Variants in SERINC2 observed in about 807,000 individuals in gnomAD.
SERINC2 encodes the protein tumor differentially expressed protein 2.
In SERINC2, 56 loss-of-function variants were observed where a neutral mutation model predicts 54.2. The ratio of observed to expected loss-of-function variants is 1.03; its 90% CI spans 0.83 to 1.29. SERINC2 has a LOEUF of 1.29. SERINC2 is among the 50% of genes most tolerant of loss of function. The pLI is 0.00. For missense variants in SERINC2, 614 were observed against 607.4 expected (o/e 1.01, Z -0.12); for synonymous variants, 272 against 253.1 (o/e 1.07, Z -0.71).
chr1:31,411,025 G>A (rs1157960407), upstream of SERINC2, among the ~76,000 whole-genome samples: 1 of 152,164 alleles, frequency 6.6e-6, no homozygotes, highest in Non-Finnish European at 1.5e-5. Flanking sequence ...GAAGAAGGAG[G>A]AAAGTGGACT....
At chr1:31,426,002 TA>T in intron 5 of SERINC2, 89 bp downstream of exon 5, 1 of 1,410,356 alleles carries the variant, frequency 7.1e-7, no homozygotes. Flanking sequence ...TGAAGCTAGA[TA>T]AAACTGGGGG....
In SERINC2 at chr1:31,413,993, G is replaced by C. The variant is rs1166824754; in HGVS notation, c.39+689G>C. The stretch of plus-strand genomic sequence containing the variant: ...TCCCCAGCTCGCCCCGGATCATCTG[G>C]GCCCCAGCGCGGAGACTGGGATGGG... On this transcript the variant is annotated intron_variant, in intron 1 of 9. Coordinates refer to ENST00000373709, the MANE Select transcript of SERINC2 (RefSeq NM_178865.5). This position sits in a 1 kb window ranked among gnomAD's most constrained non-coding sequence, Gnocchi z 5.0. The C allele has an allele frequency of 1.2e-5, 19 of 1,528,926 alleles. No individual in the cohort carries two copies. Among genetic ancestry groups the C allele is most frequent in the Non-Finnish European group, 8.7e-7 (1 of 1,144,372 alleles). 94.7% of individuals were successfully genotyped at this position (1,528,926 alleles called of 1,614,324 possible). A position where few individuals can be genotyped will look rare whatever the true frequency, so the allele number is the denominator to read the frequency against.
intron 9 of SERINC2, 142 bp downstream of exon 9, chr1:31,433,327 G>C: frequency 1.5e-6 from 1 of 675,932 alleles, no homozygotes; most frequent in Non-Finnish European, 2.6e-6. Context: ...CCTCCATAGA[G>C]CCTGCCCCTT....
intron 1 of SERINC2, among the ~76,000 whole-genome samples, chr1:31,419,934 C>T (rs1390658166): frequency 2.0e-5 from 3 of 151,952 alleles, no homozygotes; most frequent in East Asian, 3.9e-4. Flanking sequence ...GCTTGAGCCC[C>T]GGAGGTGGAG....
Position 31,425,319 on chromosome 1 carries a change from C to G in SERINC2, c.393-11C>G. On this transcript the variant is annotated splice_polypyrimidine_tract_variant and intron_variant, in intron 3 of 9. Transcript: ENST00000373709. ...TCAGCTTCCTTGTCCATTCCCCGAC[C>G]CCTTCTGTAGGTTTTGGTTCTTTAA... 2 of 1,603,392 alleles carry G rather than the reference C, an allele frequency of 1.2e-6. No homozygotes were observed. Among genetic ancestry groups the G allele is most frequent in the African/African-American group, 1.3e-5 (1 of 74,936 alleles).
At position 31,413,343 on chromosome 1, in the gene SERINC2, C is replaced by A; in HGVS notation, c.39+39C>A. 8.9e-7 allele frequency: 1 copy of A among 1,125,592 alleles called. No individual in the cohort carries two copies. Among genetic ancestry groups the A allele is most frequent in the Non-Finnish European group, 1.1e-6 (1 of 886,710 alleles). 69.7% of individuals were successfully genotyped at this position (1,125,592 alleles called of 1,614,324 possible). On this transcript the variant is annotated intron_variant, in intron 1 of 9. Transcript: ENST00000373709. The surrounding 1 kb of genome is among the most constrained non-coding windows in gnomAD (Gnocchi z 5.0). ...CCGGCGCCCGCCCGCGCGCGCCGCC[C>A]GTTCCTGCTGCGGGCCCTCACTTTC... is the stretch of plus-strand genomic sequence containing the variant.
At chr1:31,411,749 G>T (rs1185015329), upstream of SERINC2, among the ~76,000 whole-genome samples, 1 of 152,150 alleles carries the variant, frequency 6.6e-6, no homozygotes, top group African/African-American at 2.4e-5. Flanking sequence ...TGTAATACCA[G>T]CACTTTGGGA....
At chr1:31,410,326 C>T (rs1640626448), upstream of SERINC2, 2 of 1,545,206 alleles carry the variant, frequency 1.3e-6, no homozygotes, top group South Asian at 1.2e-5. Context: ...GTCCTCACTT[C>T]ATCTCCTCAG....
Position 31,418,080 on chromosome 1 carries a change from A to T in SERINC2, c.39+4776A>T, listed in dbSNP as rs371931378. On this transcript the variant is annotated intron_variant, in intron 1 of 9. Transcript: ENST00000373709. ...CACCATGTTGGCCAGGCTGGTCTCG[A>T]ACCCCTGACCTCAGGTGATCCGCCC... 2.7e-4 allele frequency among the ~76,000 whole-genome samples: 41 copies of T among 151,904 alleles called. 1 individual carries two copies. The South Asian group carries it at 7.9e-3, about 29-fold the overall frequency.
rs1640699444 is a variant in SERINC2, at chr1:31,413,589, G to A, written c.39+285G>A. On this transcript the variant is annotated intron_variant, in intron 1 of 9. Coordinates refer to ENST00000373709, the MANE Select transcript of SERINC2 (RefSeq NM_178865.5). This position sits in a 1 kb window ranked among gnomAD's most constrained non-coding sequence, Gnocchi z 5.0. ...GTGCCCTCGGCGGGCGCCCTCCTGG[G>A]ACCTGGAGAGACTAAGCCTGGAGCC... Among the ~76,000 whole-genome samples the A allele has an allele frequency of 1.3e-5, 2 of 151,808 alleles. No homozygotes were observed. Among genetic ancestry groups the A allele is most frequent in the African/African-American group, 4.8e-5 (2 of 41,376 alleles).
intron 8 of SERINC2, among the ~76,000 whole-genome samples, chr1:31,431,843 G>C (rs1553134540): frequency 1.4e-5 from 2 of 147,256 alleles, no homozygotes; most frequent in Non-Finnish European, 3.0e-5. Context: ...AGGGTGGATA[G>C]GGTGGATAGG....
In SERINC2 at chr1:31,432,790, A is replaced by G. The variant is rs536431937; in HGVS notation, c.1014-177A>G. On this transcript the variant is annotated intron_variant, in intron 8 of 9. Coordinates refer to ENST00000373709, the MANE Select transcript of SERINC2 (RefSeq NM_178865.5). ...CTCAGAGAGGTTAAGTGTTTTGCTC[A>G]AGGTCACACAGAAAATGGGAGTGGG... 2.0e-5 allele frequency among the ~76,000 whole-genome samples: 3 copies of G among 152,176 alleles called. No individual in the cohort carries two copies. The South Asian group carries it at 6.2e-4, about 32-fold the overall frequency.
Position 31,426,800 on chromosome 1 carries a change from G to A in SERINC2, c.757G>A (p.Ala253Thr), listed in dbSNP as rs1641056456. The A allele has an allele frequency of 1.9e-6, 3 of 1,613,942 alleles. No homozygotes were observed. Among genetic ancestry groups the A allele is most frequent in the African/African-American group, 1.3e-5 (1 of 75,048 alleles). The change falls in exon 6 of 10, where the codon GCT (alanine) becomes ACT (threonine). Residue 253 changes from alanine to threonine, a missense_variant. By Grantham distance (58) the Ala-to-Thr change is moderately conservative. Transcript: ENST00000373709. ...NLTFCVCVSI[A>T]AVLPKVQDAQ... is the part of the protein sequence containing the mutation. ...CACCTTCTGTGTCTGCGTGTCCATC[G>A]CTGCTGTCCTGCCCAAGGTCCAGGT...
Position 31,432,953 on chromosome 1 carries a change from T to A in SERINC2, c.1014-14T>A. ...AGAGCTATCTATTTGCCCACCTTCCTCCCTCCCCTGCAGTCTGCGCTCCTC... is the reference window on the plus strand; with the variant it reads ...AGAGCTATCTATTTGCCCACCTTCCACCCTCCCCTGCAGTCTGCGCTCCTC... On this transcript the variant is annotated splice_polypyrimidine_tract_variant and intron_variant, in intron 8 of 9. Transcript: ENST00000373709. 1.3e-6 allele frequency: 2 copies of A among 1,595,844 alleles called. No homozygotes were observed. Among genetic ancestry groups the A allele is most frequent in the Non-Finnish European group, 1.7e-6 (2 of 1,171,096 alleles).
Position 31,413,998 on chromosome 1 carries a change from C to T in SERINC2, c.39+694C>T. The T allele has an allele frequency of 6.5e-7, 1 of 1,528,692 alleles. No homozygotes were observed. Among genetic ancestry groups the T allele is most frequent in the South Asian group, 1.2e-5 (1 of 83,488 alleles). The allele number at this position is 1,528,692 out of a possible 1,614,324, so 94.7% of individuals were successfully genotyped here. ...AGCTCGCCCCGGATCATCTGGGCCC[C>T]AGCGCGGAGACTGGGATGGGAGCGG... is the stretch of plus-strand genomic sequence containing the variant. On this transcript the variant is annotated intron_variant, in intron 1 of 9. Coordinates refer to ENST00000373709, the MANE Select transcript of SERINC2 (RefSeq NM_178865.5). The surrounding 1 kb of genome is among the most constrained non-coding windows in gnomAD (Gnocchi z 5.0).
rs1553135401 is a variant in SERINC2 at position 31,434,361 on chromosome 1, C to T, written c.*162C>T. 1 of 675,620 alleles carries T rather than the reference C, an allele frequency of 1.5e-6. No homozygotes were observed. The highest frequency in any genetic ancestry group is 2.5e-6 in the Non-Finnish European group (1 of 403,126). The allele number at this position is 675,620 out of a possible 1,614,324, so 41.9% of individuals were successfully genotyped here. ...TGAGCCGGGCCTTCTAGTCGTAGTGCCTTCAGGGTCCGAGGAGCATCAGGC... is the reference window on the plus strand; with the variant it reads ...TGAGCCGGGCCTTCTAGTCGTAGTGTCTTCAGGGTCCGAGGAGCATCAGGC... On this transcript the variant is annotated 3_prime_UTR_variant, in exon 10 of 10. Transcript: ENST00000373709.
intron 8 of SERINC2, among the ~76,000 whole-genome samples, chr1:31,432,102 C>CAGGGTGGACAGGGTGGAT (rs1641285844): frequency 7.6e-5 from 1 of 13,122 alleles, no homozygotes; most frequent in Non-Finnish European, 1.4e-4. Flanking sequence ...ACAGGGTGGA[C>CAGGGTGGACAGGGTGGAT]AGGGTGGATA....
chr1:31,432,119 T>TTAGGGTGGATAGGGTGGA (rs1322746806), intron 8 of SERINC2, among the ~76,000 whole-genome samples: 1 of 9,726 alleles, frequency 1.0e-4, no homozygotes, highest in Non-Finnish European at 1.8e-4. Context: ...GATAGGGTGG[T>TTAGGGTGGATAGGGTGGA]TAGGGTGGAT....
At chr1:31,427,932 G>C (rs1641089455) in intron 6 of SERINC2, among the ~76,000 whole-genome samples, 2 of 146,904 alleles carry the variant, frequency 1.4e-5, no homozygotes, top group African/African-American at 5.0e-5. Flanking sequence ...AGGTTCAAGT[G>C]ATTCTTGTGC....
Sources: allele counts gnomAD v4.1 joint callset (sites outside exome capture counted in the v4.1 genomes callset), GRCh38; gene constraint gnomAD v4.1.1; non-coding constraint Gnocchi (gnomAD v3.1); transcripts MANE v1.5; gene names NCBI Gene and HGNC (gene_info 2026-07-23, HGNC 2026-07-21).